Variants in SHTN1 observed in about 807,000 individuals in gnomAD.
The protein encoded by SHTN1 is shootin 1.
Under a neutral mutation model 83.1 loss-of-function variants are expected in SHTN1, and 42 were observed. The observed-to-expected ratio is 0.51, with a 90% CI of 0.39 to 0.65. SHTN1 has a LOEUF of 0.65. Among genes scored for constraint, SHTN1 ranks in the 30% least tolerant of loss-of-function variants. SHTN1 has a pLI of 0.00. For synonymous variants in SHTN1, 224 were observed against 247.7 expected (o/e 0.90, Z 0.90); for missense variants, 622 against 737.8 (o/e 0.84, Z 1.82).
At chr10:116,926,314 C>T (rs1217535621) in intron 11 of SHTN1, among the ~76,000 whole-genome samples, 1 of 152,148 alleles carries the variant, frequency 6.6e-6, no homozygotes, top group Non-Finnish European at 1.5e-5. Context: ...ACAGAAGTGA[C>T]CTTTCTTATC....
intron 1 of SHTN1, among the ~76,000 whole-genome samples, chr10:117,084,113 G>C (rs1025715736): frequency 6.6e-6 from 1 of 152,188 alleles, no homozygotes; most frequent in African/African-American, 2.4e-5. Flanking sequence ...TGGAGGAGGA[G>C]AGGCGCTCTT....
intron 1 of SHTN1, among the ~76,000 whole-genome samples, chr10:117,078,408 G>A (rs1211713755): frequency 6.6e-6 from 1 of 152,102 alleles, no homozygotes; most frequent in African/African-American, 2.4e-5. Flanking sequence ...GCCACCGCTG[G>A]TGACTAACAG....
intron 2 of SHTN1, among the ~76,000 whole-genome samples, chr10:117,040,506 A>C (rs1728088903): frequency 6.6e-6 from 1 of 152,212 alleles, no homozygotes; most frequent in African/African-American, 2.4e-5. Context: ...GCTAAAATAA[A>C]ATTAAAAGAA....
At chr10:116,894,455 G>C (rs1847443436) in intron 16 of SHTN1, among the ~76,000 whole-genome samples, 1 of 152,180 alleles carries the variant, frequency 6.6e-6, no homozygotes, top group Non-Finnish European at 1.5e-5. Context: ...AAAAGAGCTT[G>C]ATAAAGCTTA....
Position 117,065,321 on chromosome 10 carries a change from C to T in SHTN1, c.-188-16811G>A, listed in dbSNP as rs72833446. Among the ~76,000 whole-genome samples the T allele has an allele frequency of 2.4e-3, 360 of 152,172 alleles. 1 individual carries two copies. The highest frequency in any genetic ancestry group is 4.4e-3 in the Non-Finnish European group (302 of 67,992). ...ACATGTATCCCAGAACTTAAAGTAA[C>T]ATTAAAAAACAAGAAAAGAAAAGTG... is the stretch of plus-strand genomic sequence containing the variant. On this transcript the variant is annotated intron_variant, in intron 1 of 17. Coordinates refer to the SHTN1 transcript ENST00000392901.
At chr10:116,941,327 A>C (rs1849366950) in intron 8 of SHTN1, among the ~76,000 whole-genome samples, 1 of 152,218 alleles carries the variant, frequency 6.6e-6, no homozygotes, top group African/African-American at 2.4e-5. Context: ...TAGAAGGGTA[A>C]AGGGGAGAAG....
intron 3 of SHTN1, among the ~76,000 whole-genome samples, chr10:116,963,850 A>G (rs1034376057): frequency 6.6e-6 from 1 of 152,236 alleles, no homozygotes; most frequent in Admixed American, 6.5e-5. Context: ...ATAACATAAA[A>G]GTACATCAAG....
intron 2 of SHTN1, among the ~76,000 whole-genome samples, chr10:116,973,266 C>T (rs528793059): frequency 1.3e-5 from 2 of 152,210 alleles, no homozygotes; most frequent in South Asian, 4.2e-4. Flanking sequence ...ATCTAACTTC[C>T]ACTAATATAA....
At chr10:117,064,047 G>A (rs1852936956) in intron 1 of SHTN1, among the ~76,000 whole-genome samples, 1 of 152,092 alleles carries the variant, frequency 6.6e-6, no homozygotes, top group Admixed American at 6.5e-5. Flanking sequence ...ACTTCTCTCT[G>A]GTGTGCTCAT....
chr10:116,901,983 TTTAATAATTCTG>T, intron 15 of SHTN1, 26 bp from the exon 16 acceptor site: 1 of 1,554,632 alleles, frequency 6.4e-7, no homozygotes, highest in Non-Finnish European at 8.7e-7. Context: ...ATACCTCAAG[TTTAATAATTCTG>T]TATGATGCTT....
At chr10:116,916,149 ACTAT>A (rs781228681) in intron 12 of SHTN1, among the ~76,000 whole-genome samples, 1 of 152,196 alleles carries the variant, frequency 6.6e-6, no homozygotes, top group African/African-American at 2.4e-5. Context: ...TTAAAATTCA[ACTAT>A]CTATTGTTTA....
At chr10:117,090,560 G>A (rs541041747) in intron 1 of SHTN1, among the ~76,000 whole-genome samples, 1 of 152,248 alleles carries the variant, frequency 6.6e-6, no homozygotes, top group East Asian at 1.9e-4. Flanking sequence ...TATGCTATAT[G>A]TATTTTCCAC....
At chr10:116,923,350 A>AT (rs1848630303) in intron 11 of SHTN1, among the ~76,000 whole-genome samples, 1 of 152,194 alleles carries the variant, frequency 6.6e-6, no homozygotes, top group Non-Finnish European at 1.5e-5. Flanking sequence ...ACATGAATGA[A>AT]TCAAGAATTT....
rs893119396 is a variant in SHTN1, at chr10:116,884,004, C to T, written c.*2340G>A. On this transcript the variant is annotated 3_prime_UTR_variant, in exon 17 of 17. Transcript: ENST00000355371. ...TGTTCCTCACTCGGGCTATAAAATGCATCAACATTCGTTTTTCTTAAAGAA... is the reference window on the plus strand; with the variant it reads ...TGTTCCTCACTCGGGCTATAAAATGTATCAACATTCGTTTTTCTTAAAGAA... 8.7e-6 allele frequency: 2 copies of T among 230,302 alleles called. No individual in the cohort carries two copies. Among genetic ancestry groups the T allele is most frequent in the Admixed American group, 5.1e-5 (1 of 19,800 alleles). 14.3% of individuals were successfully genotyped at this position (230,302 alleles called of 1,614,324 possible).
At chr10:116,953,631 T>TG (rs1166676187) in intron 5 of SHTN1, among the ~76,000 whole-genome samples, 7 of 140,868 alleles carry the variant, frequency 5.0e-5, no homozygotes, top group Admixed American at 3.6e-4. Context: ...TTGTTTTTTT[T>TG]TTTTTTTTTT....
Position 116,881,770 on chromosome 10 carries a change from TCAC to T in SHTN1, c.*4571_*4573del, listed in dbSNP as rs879222471. 12 of 863,504 alleles carry T rather than the reference TCAC, an allele frequency of 1.4e-5. No homozygotes were observed. The South Asian group carries it at 4.3e-4, about 31-fold the overall frequency. 53.5% of individuals were successfully genotyped at this position (863,504 alleles called of 1,614,324 possible). A position where few individuals can be genotyped will look rare whatever the true frequency, so the allele number is the denominator to read the frequency against. ...TCCACATGGAGTTTCCTCTTCAACT[TCAC>T]CAACTCTTGTGGTTTTTATTCTTCT... On this transcript the variant is annotated 3_prime_UTR_variant, in exon 17 of 17. Transcript: ENST00000355371.
intron 2 of SHTN1, among the ~76,000 whole-genome samples, chr10:117,032,332 T>A (rs1852429713): frequency 1.3e-5 from 2 of 152,016 alleles, no homozygotes; most frequent in South Asian, 4.2e-4. Flanking sequence ...GCTTCCTGAG[T>A]AGCTGGGACT....
intron 7 of SHTN1, among the ~76,000 whole-genome samples, chr10:116,947,236 G>T (rs1406715808): frequency 6.6e-6 from 1 of 152,166 alleles, no homozygotes; most frequent in Non-Finnish European, 1.5e-5. Flanking sequence ...GACAGAGGGA[G>T]TGACGATACC....
intron 1 of SHTN1, among the ~76,000 whole-genome samples, chr10:116,986,877 C>T (rs1016480047): frequency 7.3e-5 from 11 of 151,628 alleles, no homozygotes; most frequent in African/African-American, 2.7e-4. Context: ...TACAGGCGCC[C>T]GCCACCACAC....
Sources: allele counts gnomAD v4.1 joint callset (sites outside exome capture counted in the v4.1 genomes callset), GRCh38; gene constraint gnomAD v4.1.1; transcripts MANE v1.5; gene names NCBI Gene and HGNC (gene_info 2026-07-23, HGNC 2026-07-21).